The following NINJ2 variants were observed in gnomAD, a reference collection of about 807,000 sequenced individuals.
The protein encoded by NINJ2 is ninjurin 2, also known as ninjurin-2.
A neutral mutation model predicts 11.7 loss-of-function variants in NINJ2; 12 were observed. The ratio of observed to expected loss-of-function variants is 1.02; its 90% CI spans 0.66 to 1.66. The LOEUF is 1.66. NINJ2 is among the 40% of genes most tolerant of loss of function. NINJ2 has a pLI of 0.00. For synonymous variants in NINJ2, 93 were observed against 76.8 expected, an observed-to-expected ratio of 1.21 and a Z score of -1.10; for missense variants, 187 against 181.8, an observed-to-expected ratio of 1.03 and a Z score of -0.16.
intron 1 of NINJ2, among the ~76,000 whole-genome samples, chr12:630,545 T>G (rs1014461599): frequency 6.6e-6 from 1 of 152,082 alleles, no homozygotes; most frequent in Non-Finnish European, 1.5e-5. Flanking sequence ...TGGCTAATTT[T>G]TTTTGTATTT....
chr12:608,947 G>GGTT (rs975332970), intron 1 of NINJ2, among the ~76,000 whole-genome samples: 5 of 152,090 alleles, frequency 3.3e-5, no homozygotes, highest in Admixed American at 2.6e-4. Context: ...GTGCTTTCTG[G>GGTT]GTTGTTGTTG....
chr12:579,554 C>T (rs563587861), intron 1 of NINJ2, among the ~76,000 whole-genome samples: 2 of 152,152 alleles, frequency 1.3e-5, no homozygotes, highest in Non-Finnish European at 2.9e-5. Flanking sequence ...TGTTCCCAAA[C>T]GGCAGTCATT....
chr12:566,092 C>G lies in NINJ2; in HGVS notation c.120G>C (p.Val40=), dbSNP rs1947297553. The G allele has an allele frequency of 6.2e-7, 1 of 1,614,106 alleles. No individual in the cohort carries two copies. Among genetic ancestry groups the G allele is most frequent in the Middle Eastern group, 1.6e-4 (1 of 6,062 alleles). The change falls in exon 2 of 4, where the codon GTG becomes GTC. Residue 40 remains valine (V), a synonymous_variant. Transcript: ENST00000305108. ...GCATGGCGTTGGACATGAACAGGGCCACGTCCAGCATGCTCTCCGCCACGC... is the reference window on the plus strand; with the variant it reads ...GCATGGCGTTGGACATGAACAGGGCGACGTCCAGCATGCTCTCCGCCACGC... ...KKSVAESMLD[V]ALFMSNAMRL...
intron 1 of NINJ2, among the ~76,000 whole-genome samples, chr12:589,109 T>C (rs896315052): frequency 1.3e-5 from 2 of 152,232 alleles, no homozygotes; most frequent in Non-Finnish European, 2.9e-5. Context: ...TGCATCATTA[T>C]TGATAATGTC....
At chr12:651,455 C>T (rs1379661631) in intron 1 of NINJ2, among the ~76,000 whole-genome samples, 1 of 152,192 alleles carries the variant, frequency 6.6e-6, no homozygotes, top group Non-Finnish European at 1.5e-5. Context: ...GACACCCAAC[C>T]ATAGAGCTGT....
chr12:614,872 T>C lies in NINJ2; in HGVS notation c.33+48456A>G, dbSNP rs1948072990. 1.3e-5 allele frequency among the ~76,000 whole-genome samples: 2 copies of C among 152,132 alleles called. No individual in the cohort carries two copies. Among genetic ancestry groups the C allele is most frequent in the South Asian group, 4.1e-4 (2 of 4,824 alleles). Reference sequence around the variant, plus strand: ...TTGTCAGCGCTCTATGAAAAACAAATAGCAGTTATGCAAAGACAAGGAAGC... The same window carrying C: ...TTGTCAGCGCTCTATGAAAAACAAACAGCAGTTATGCAAAGACAAGGAAGC... On this transcript the variant is annotated intron_variant, in intron 1 of 3. Transcript: ENST00000305108. This position sits in a 1 kb window ranked among gnomAD's most constrained non-coding sequence, Gnocchi z 5.1.
intron 1 of NINJ2, among the ~76,000 whole-genome samples, chr12:611,622 C>T (rs1948034968): frequency 6.6e-6 from 1 of 152,354 alleles, no homozygotes; most frequent in Middle Eastern, 3.4e-3. Flanking sequence ...AGGCATGAGC[C>T]ACTGTGCCCG....
intron 1 of NINJ2, among the ~76,000 whole-genome samples, chr12:650,282 A>C (rs1318616951): frequency 6.7e-6 from 1 of 150,142 alleles, no homozygotes; most frequent in Non-Finnish European, 1.5e-5. Context: ...ACGGGGTTTC[A>C]CTATGTTTCC....
intron 1 of NINJ2, among the ~76,000 whole-genome samples, chr12:619,256 G>A (rs181319468): frequency 6.6e-6 from 1 of 152,280 alleles, no homozygotes; most frequent in Admixed American, 6.5e-5. Context: ...TTTAGGACTT[G>A]GCCCCTGCTT....
intron 1 of NINJ2, among the ~76,000 whole-genome samples, chr12:659,244 A>T (rs1479750348): frequency 6.6e-6 from 1 of 151,848 alleles, no homozygotes; most frequent in African/African-American, 2.4e-5. Context: ...CTGAATTTGC[A>T]TTCGGTTTGG....
chr12:626,305 C>T (rs944280618), intron 1 of NINJ2, among the ~76,000 whole-genome samples: 2 of 152,172 alleles, frequency 1.3e-5, no homozygotes, highest in Non-Finnish European at 2.9e-5. Context: ...TCACGGGAAC[C>T]TTGGTGTAGG....
intron 1 of NINJ2, among the ~76,000 whole-genome samples, chr12:625,057 G>A (rs1409712869): frequency 6.8e-6 from 1 of 146,144 alleles, no homozygotes; most frequent in Non-Finnish European, 1.5e-5. Flanking sequence ...TGCAGTGATC[G>A]TGCCACTGCA....
At chr12:576,455 G>C (rs926269357) in intron 1 of NINJ2, among the ~76,000 whole-genome samples, 2 of 152,146 alleles carry the variant, frequency 1.3e-5, no homozygotes, top group Non-Finnish European at 2.9e-5. Flanking sequence ...CACGTGCGTT[G>C]AAACCGGAAC....
At chr12:610,864 G>A (rs1464301502) in intron 1 of NINJ2, among the ~76,000 whole-genome samples, 1 of 150,510 alleles carries the variant, frequency 6.6e-6, no homozygotes, top group Non-Finnish European at 1.5e-5. Flanking sequence ...CTCCCAAGTA[G>A]CTGGGATTAC....
intron 1 of NINJ2, among the ~76,000 whole-genome samples, chr12:656,306 G>T (rs892745387): frequency 1.3e-5 from 2 of 152,144 alleles, no homozygotes; most frequent in Non-Finnish European, 2.9e-5. Flanking sequence ...GGAGGTTGCA[G>T]TGAGCCAAGA....
At chr12:631,388 G>A (rs1432615593) in intron 1 of NINJ2, among the ~76,000 whole-genome samples, 2 of 151,912 alleles carry the variant, frequency 1.3e-5, no homozygotes, top group East Asian at 1.9e-4. Flanking sequence ...ATTTTGAGAC[G>A]GAGTCTCCCT....
intron 1 of NINJ2, chr12:645,534 T>C (rs1454639278): frequency 6.6e-6 from 1 of 152,230 alleles, no homozygotes; most frequent in Non-Finnish European, 1.5e-5. Flanking sequence ...TATCCTCATT[T>C]TGCAGATAAG....
At chr12:662,479 G>A (rs1003002993) in intron 1 of NINJ2, among the ~76,000 whole-genome samples, 20 of 152,032 alleles carry the variant, frequency 1.3e-4, no homozygotes, top group African/African-American at 4.6e-4. Context: ...TCTTTAATCC[G>A]AAGTGTATAT....
At chr12:647,320 A>G (rs1000315096) in intron 1 of NINJ2, among the ~76,000 whole-genome samples, 5 of 152,230 alleles carry the variant, frequency 3.3e-5, no homozygotes, top group Non-Finnish European at 5.9e-5. Context: ...TGGGCCTGTC[A>G]AACACGTCTC....
Sources: gnomAD v4.1 joint callset for allele counts (sites outside exome capture counted in the v4.1 genomes callset) on GRCh38, gnomAD v4.1.1 for gene constraint, Gnocchi (gnomAD v3.1) non-coding constraint, MANE v1.5 for transcripts, NCBI Gene and HGNC (gene_info 2026-07-23, HGNC 2026-07-21) for gene names.